PRDM11: variants seen among roughly 807,000 people sequenced by gnomAD.
PRDM11 encodes PR domain-containing protein 11.
In PRDM11, 20 loss-of-function variants were observed where a neutral mutation model predicts 97.8. The observed-to-expected ratio is 0.20, with a 90% confidence interval of 0.14 to 0.30. The LOEUF (loss-of-function observed/expected upper bound fraction) is 0.30. PRDM11 is among the 10% of genes least tolerant of loss of function. The pLI is 1.00. For missense variants in PRDM11, 1,139 were observed against 1,555.2 expected (o/e 0.73, Z 4.50); for synonymous variants, 599 against 637.7 (o/e 0.94, Z 0.91).
intron 1 of PRDM11, among the ~76,000 whole-genome samples, chr11:45,133,612 G>A (rs758192781): frequency 6.6e-6 from 1 of 152,082 alleles, no homozygotes; most frequent in East Asian, 1.9e-4. Context: ...GCTGAGTTTC[G>A]GGCACTGGCC....
At chr11:45,132,876 G>T (rs1483010798) in intron 1 of PRDM11, among the ~76,000 whole-genome samples, 1 of 152,138 alleles carries the variant, frequency 6.6e-6, no homozygotes, top group Non-Finnish European at 1.5e-5. Flanking sequence ...GCCAGCCCAG[G>T]GACAGCAAAG....
rs771289004 is a variant in PRDM11, at chr11:45,224,852, G to A, written c.1369+9G>A. The stretch of plus-strand genomic sequence containing the variant: ...GTTCTCGGACCCTGCAGGTAAGTTG[G>A]TTTGGATGAGATTATTGTCGGAGGG... On this transcript the variant is annotated intron_variant, in intron 7 of 7. Coordinates refer to ENST00000683152, the MANE Select transcript of PRDM11 (RefSeq NM_001384648.1). 5.6e-6 allele frequency: 9 copies of A among 1,612,808 alleles called. No individual in the cohort carries two copies. The highest frequency in any genetic ancestry group is 1.1e-5 in the South Asian group (1 of 91,078).
At chr11:45,181,010 TAGTG>T (rs974404375) in intron 1 of PRDM11, among the ~76,000 whole-genome samples, 33 of 151,898 alleles carry the variant, frequency 2.2e-4, no homozygotes, top group African/African-American at 8.0e-4. Context: ...GGGCCCCGGG[TAGTG>T]AGTCACACAC....
At chr11:45,215,988 T>TGCTGACCCA (rs1229341651) in intron 5 of PRDM11, 1 of 152,716 alleles carries the variant, frequency 6.5e-6, no homozygotes, top group East Asian at 1.9e-4. Context: ...AATAGTCATG[T>TGCTGACCCA]GCTGACCCAG....
chr11:45,224,578 C>G lies in PRDM11; in HGVS notation c.1104C>G (p.Pro368=). Residue 368 remains proline, a synonymous_variant, in exon 7 of 8, where the codon CCC becomes CCG. Transcript: ENST00000683152. ...QTQGEGDWKV[P]QGVSKEPGQL... ...AGGGGGAGGGGGACTGGAAGGTCCC[C>G]CAGGGGGTCTCCAAGGAGCCAGGCC... The G allele has an allele frequency of 6.2e-7, 1 of 1,614,030 alleles. No individual in the cohort carries two copies. The highest frequency in any genetic ancestry group is 8.5e-7 in the Non-Finnish European group (1 of 1,179,982).
chr11:45,219,631 C>T lies in PRDM11; in HGVS notation c.616C>T (p.Arg206Cys), dbSNP rs749234837. Residue 206 changes from arginine (R) to cysteine (C), a missense_variant, in exon 6 of 8, where the codon CGC becomes TGC. Coordinates refer to ENST00000683152, the MANE Select transcript of PRDM11 (RefSeq NM_001384648.1). The surrounding 1 kb of genome is among the most constrained non-coding windows in gnomAD (Gnocchi z 4.2). ...CCTGCTGGCGTTCCAGCACAGTGAGCGCATCTACTTCCGGGCGTGCAGGGA... is the reference window on the plus strand; with the variant it reads ...CCTGCTGGCGTTCCAGCACAGTGAGTGCATCTACTTCCGGGCGTGCAGGGA... ...QNLLAFQHSERIYFRACRDIR... is the reference protein window; with the variant it reads ...QNLLAFQHSECIYFRACRDIR... 20 of 1,613,946 alleles carry T rather than the reference C, an allele frequency of 1.2e-5. No individual in the cohort carries two copies. The highest frequency in any genetic ancestry group is 2.7e-5 in the African/African-American group (2 of 74,884).
intron 4 of PRDM11, among the ~76,000 whole-genome samples, chr11:45,197,024 T>C (rs868041594): frequency 0.01 from 1,554 of 152,290 alleles, 21 homozygotes; most frequent in African/African-American, 0.036. Flanking sequence ...ACAGCCAGCT[T>C]TAGTATCCAC....
chr11:45,125,814 C>A (rs1852556679), intron 1 of PRDM11, among the ~76,000 whole-genome samples: 1 of 152,108 alleles, frequency 6.6e-6, no homozygotes, highest in Non-Finnish European at 1.5e-5. Context: ...AATGTATATT[C>A]TGTTGATTTG....
chr11:45,162,977 A>G (rs1474921893), intron 1 of PRDM11, among the ~76,000 whole-genome samples: 1 of 152,202 alleles, frequency 6.6e-6, no homozygotes, highest in Non-Finnish European at 1.5e-5. Flanking sequence ...GATATTTGGA[A>G]GTGCTGAGCT....
chr11:45,223,357 G>A (rs1854172016), intron 6 of PRDM11, among the ~76,000 whole-genome samples: 1 of 152,168 alleles, frequency 6.6e-6, no homozygotes, highest in Non-Finnish European at 1.5e-5. Context: ...TGGTTCAGGA[G>A]CTCACCAAAG....
rs565992230 is a variant in PRDM11 at position 45,138,699 on chromosome 11, T to C, written c.96+42798T>C. On this transcript the variant is annotated intron_variant, in intron 1 of 6. Transcript: ENST00000530656. The stretch of plus-strand genomic sequence containing the variant: ...ATAAAGTCACATCCCTATGCTATAC[T>C]CTACACCAAAGTAAATTCCAGCTGT... Among the ~76,000 whole-genome samples, 60 of 152,320 alleles carry C rather than the reference T, an allele frequency of 3.9e-4. No homozygotes were observed. The South Asian group carries it at 0.012, about 30-fold the overall frequency.
At chr11:45,187,184 T>A (rs1180138135) in intron 4 of PRDM11, among the ~76,000 whole-genome samples, 2 of 152,076 alleles carry the variant, frequency 1.3e-5, no homozygotes, top group African/African-American at 4.8e-5. Context: ...GAGTATTGCT[T>A]GGTGATCGCA....
intron 1 of PRDM11, among the ~76,000 whole-genome samples, chr11:45,106,007 A>T (rs1040685261): frequency 1.3e-5 from 2 of 152,110 alleles, no homozygotes; most frequent in African/African-American, 4.8e-5. Flanking sequence ...TGCAAACTCA[A>T]ATGTGCAAGA....
At chr11:45,189,125 T>C (rs888105626) in intron 4 of PRDM11, among the ~76,000 whole-genome samples, 19 of 152,236 alleles carry the variant, frequency 1.2e-4, no homozygotes, top group Middle Eastern at 3.4e-3. Context: ...GGTCTTGAAC[T>C]CCCGACCTCA....
At chr11:45,164,737 T>C (rs1852018229) in intron 1 of PRDM11, among the ~76,000 whole-genome samples, 1 of 152,126 alleles carries the variant, frequency 6.6e-6, no homozygotes, top group African/African-American at 2.4e-5. Flanking sequence ...CCTTCGGGTG[T>C]GTTTTGACCT....
At chr11:45,212,486 G>A (rs560496366) in intron 5 of PRDM11, 2 of 408,580 alleles carry the variant, frequency 4.9e-6, no homozygotes, top group East Asian at 7.2e-5. Context: ...AGATGAGGAG[G>A]CGCCTGGGCC....
intron 5 of PRDM11, among the ~76,000 whole-genome samples, chr11:45,206,931 C>G (rs561216202): frequency 5.9e-5 from 9 of 152,194 alleles, no homozygotes; most frequent in African/African-American, 2.2e-4. Context: ...CCAGGTGAAG[C>G]GTGGCTTCCT....
At chr11:45,188,461 C>T (rs114644094) in intron 4 of PRDM11, among the ~76,000 whole-genome samples, 275 of 152,338 alleles carry the variant, frequency 1.8e-3, no homozygotes, top group African/African-American at 6.3e-3. Flanking sequence ...TTACTTAGCA[C>T]GCCTCTTCTT....
At chr11:45,180,809 C>T (rs943086638) in intron 1 of PRDM11, among the ~76,000 whole-genome samples, 10 of 151,152 alleles carry the variant, frequency 6.6e-5, no homozygotes, top group African/African-American at 2.4e-4. Context: ...GGGGCGGCCA[C>T]GGGGCAGGGG....
Sources: gnomAD v4.1 joint callset for allele counts (sites outside exome capture counted in the v4.1 genomes callset) on GRCh38, gnomAD v4.1.1 for gene constraint, Gnocchi (gnomAD v3.1) non-coding constraint, MANE v1.5 for transcripts, NCBI Gene and HGNC (gene_info 2026-07-23, HGNC 2026-07-21) for gene names.